The following STK3 variants were observed in gnomAD, a reference collection of about 807,000 sequenced individuals.
The protein encoded by STK3 is serine/threonine kinase 3.
Under a neutral mutation model 58.0 loss-of-function variants are expected in STK3, and 41 were observed. The ratio of observed to expected loss-of-function variants is 0.71; its 90% confidence interval spans 0.55 to 0.92. The LOEUF is 0.92. Among genes scored for constraint, STK3 ranks in the 40% least tolerant of loss-of-function variants. The pLI, the probability that STK3 is intolerant of heterozygous loss-of-function variation, is 0.00. For synonymous variants in STK3, 170 were observed against 191.0 expected (o/e 0.89, Z 0.91); for missense variants, 479 against 602.7 (o/e 0.79, Z 2.15).
At chr8:98,512,453 C>G (rs983844997) in intron 10 of STK3, among the ~76,000 whole-genome samples, 1 of 151,984 alleles carries the variant, frequency 6.6e-6, no homozygotes, top group East Asian at 1.9e-4. Context: ...TTGAAGAAGT[C>G]TCAGTTTAGA....
intron 1 of STK3, among the ~76,000 whole-genome samples, chr8:98,786,800 G>A (rs1419835224): frequency 6.6e-6 from 1 of 152,126 alleles, no homozygotes; most frequent in African/African-American, 2.4e-5. Flanking sequence ...CAACAACTGT[G>A]AGATAATATA....
chr8:98,721,208 C>T (rs997497637), intron 4 of STK3: 1 of 790,608 alleles, frequency 1.3e-6, no homozygotes, highest in African/African-American at 1.9e-5. Flanking sequence ...TTTAAAAATA[C>T]TTAGAAGAAA....
intron 1 of STK3, among the ~76,000 whole-genome samples, chr8:98,811,722 A>G (rs1035943591): frequency 6.6e-6 from 1 of 152,214 alleles, no homozygotes; most frequent in South Asian, 2.1e-4. Flanking sequence ...CATTTTCTAA[A>G]TTATACATTG....
chr8:98,386,956 T>C (rs1333503813), intron 1 of STK3, among the ~76,000 whole-genome samples: 1 of 152,162 alleles, frequency 6.6e-6, no homozygotes, highest in Non-Finnish European at 1.5e-5. Context: ...AGACCCTGTC[T>C]CAAAAACGAA....
intron 6 of STK3, among the ~76,000 whole-genome samples, chr8:98,698,380 T>C (rs1370126852): frequency 1.3e-5 from 2 of 152,116 alleles, no homozygotes; most frequent in Non-Finnish European, 2.9e-5. Context: ...GTTAATATTG[T>C]TATGTGTGAA....
chr8:98,483,704 T>G (rs1159892039), intron 10 of STK3, among the ~76,000 whole-genome samples: 1 of 152,178 alleles, frequency 6.6e-6, no homozygotes, highest in Non-Finnish European at 1.5e-5. Flanking sequence ...ACAAACTTTG[T>G]TTTAGTAAGA....
chr8:98,654,797 AAGG>A (rs1821334693), intron 6 of STK3, among the ~76,000 whole-genome samples: 1 of 152,204 alleles, frequency 6.6e-6, no homozygotes, highest in Non-Finnish European at 1.5e-5. Flanking sequence ...GGACCTCTTC[AAGG>A]AGAACTACAA....
intron 6 of STK3, chr8:98,633,467 G>T: frequency 3.4e-6 from 2 of 589,086 alleles, no homozygotes; most frequent in South Asian, 2.0e-5. Context: ...AGTTGGTACT[G>T]ATCCAGAAGA....
intron 3 of STK3, among the ~76,000 whole-genome samples, chr8:98,842,152 T>C (rs1303392257): frequency 6.6e-6 from 1 of 152,166 alleles, no homozygotes; most frequent in Non-Finnish European, 1.5e-5. Context: ...ATAAAAGATA[T>C]ACCATGTTCC....
At chr8:98,547,881 AT>A (rs1392457553) in intron 9 of STK3, 87 bp downstream of exon 9, 1 of 1,226,698 alleles carries the variant, frequency 8.2e-7, no homozygotes, top group African/African-American at 1.6e-5. Flanking sequence ...ACAGTTGGCT[AT>A]AAAAAGTAAC....
intron 8 of STK3, among the ~76,000 whole-genome samples, chr8:98,552,997 C>A (rs1380712974): frequency 5.3e-5 from 8 of 152,198 alleles, no homozygotes; most frequent in African/African-American, 1.7e-4. Context: ...AGTTACAGGA[C>A]AATCTATTAA....
At chr8:98,782,516 G>C in intron 1 of STK3, 1 of 312,634 alleles carries the variant, frequency 3.2e-6, no homozygotes, top group South Asian at 3.5e-5. Flanking sequence ...TGACCAGGCA[G>C]AGGCCTGCTG....
intron 3 of STK3, among the ~76,000 whole-genome samples, chr8:98,831,699 A>T (rs1835539472): frequency 6.6e-6 from 1 of 152,234 alleles, no homozygotes; most frequent in Admixed American, 6.5e-5. Flanking sequence ...AAAATTTGGA[A>T]ATGTTTTCCT....
chr8:98,404,605 G>A (rs374584900), intron 3 of STK3, among the ~76,000 whole-genome samples: 59 of 151,524 alleles, frequency 3.9e-4, no homozygotes, highest in Non-Finnish European at 7.5e-4. Flanking sequence ...GCGTGAACCC[G>A]GGAGGCGGAG....
chr8:98,562,119 C>G (rs1812086432), intron 8 of STK3, among the ~76,000 whole-genome samples: 1 of 152,112 alleles, frequency 6.6e-6, no homozygotes, highest in Non-Finnish European at 1.5e-5. Flanking sequence ...TCTTACTAAG[C>G]TGAACATACC....
chr8:98,372,053 C>T (rs1447569786), intron 2 of STK3, among the ~76,000 whole-genome samples: 1 of 152,108 alleles, frequency 6.6e-6, no homozygotes, highest in African/African-American at 2.4e-5. Flanking sequence ...CACAGACACC[C>T]ACACAGGGAG....
intron 4 of STK3, among the ~76,000 whole-genome samples, chr8:98,741,985 A>T (rs1829253868): frequency 6.6e-6 from 1 of 152,194 alleles, no homozygotes; most frequent in African/African-American, 2.4e-5. Context: ...ATCTAGAAGA[A>T]ATGGATAAAT....
intron 1 of STK3, among the ~76,000 whole-genome samples, chr8:98,796,455 T>C (rs886917826): frequency 2.0e-5 from 3 of 152,152 alleles, no homozygotes; most frequent in South Asian, 2.1e-4. Flanking sequence ...AGAATGAAAC[T>C]GGACCCCTAA....
intron 6 of STK3, among the ~76,000 whole-genome samples, chr8:98,610,534 C>T (rs373986049): frequency 6.6e-6 from 1 of 152,188 alleles, no homozygotes; most frequent in Non-Finnish European, 1.5e-5. Context: ...GCGGCACACA[C>T]GTCTTAGCTC....
Sources: allele counts gnomAD v4.1 joint callset (sites outside exome capture counted in the v4.1 genomes callset), GRCh38; gene constraint gnomAD v4.1.1; transcripts MANE v1.5; gene names NCBI Gene and HGNC (gene_info 2026-07-23, HGNC 2026-07-21).